SLCO2B1: variants seen among roughly 807,000 people sequenced by gnomAD.
The protein encoded by SLCO2B1 is OATP-RP2.
SLCO2B1 carries 41 observed loss-of-function variants against 67.3 expected under a neutral mutation model. That is an observed-to-expected ratio of 0.61 (90% CI 0.47 to 0.79). The LOEUF is 0.79. Ranked by LOEUF, SLCO2B1 falls within the 30% of genes least tolerant of loss-of-function variation. The probability of loss-of-function intolerance (pLI) is 0.00; values close to 1 mark genes in which losing one functional copy is unlikely to be tolerated. For synonymous variants in SLCO2B1, 379 were observed against 381.4 expected, an observed-to-expected ratio of 0.99 and a Z score of 0.07; for missense variants, 837 against 920.1, an observed-to-expected ratio of 0.91 and a Z score of 1.17.
At chr11:75,188,070 C>T (rs1944964092) in intron 7 of SLCO2B1, 66 bp from the exon 8 acceptor site, 2 of 1,146,324 alleles carry the variant, frequency 1.7e-6, no homozygotes, top group Non-Finnish European at 2.6e-6. Context: ...CTCCCCAGCC[C>T]ACAGCCAACT....
chr11:75,155,277 C>G (rs371260155), intron 1 of SLCO2B1, among the ~76,000 whole-genome samples: 12 of 152,206 alleles, frequency 7.9e-5, no homozygotes, highest in African/African-American at 2.6e-4. Context: ...TGGAGACATG[C>G]CCCCTTCCTG....
At chr11:75,164,843 C>T (rs998662118) in intron 3 of SLCO2B1, among the ~76,000 whole-genome samples, 1 of 152,204 alleles carries the variant, frequency 6.6e-6, no homozygotes, top group African/African-American at 2.4e-5. Context: ...CCTTACTTTG[C>T]TCTGGGAGTT....
intron 3 of SLCO2B1, 108 bp from the exon 4 acceptor site, chr11:75,165,679 T>A (rs1949880248): frequency 2.4e-6 from 3 of 1,237,522 alleles, no homozygotes; most frequent in Non-Finnish European, 3.5e-6. Context: ...TTTTATTCAG[T>A]CCATTATTCA....
rs183221637 is a variant in SLCO2B1, at chr11:75,179,581, G to A, written c.972+7012G>A. Among the ~76,000 whole-genome samples the A allele has an allele frequency of 9.2e-5, 14 of 152,146 alleles. No homozygotes were observed. The East Asian group carries it at 2.7e-3, about 29-fold the overall frequency. On this transcript the variant is annotated intron_variant, in intron 7 of 13. Coordinates refer to ENST00000289575, the MANE Select transcript of SLCO2B1 (RefSeq NM_007256.5). ...TACAATGTGTAATAATTATATCAGG[G>A]TAAATGGGGTATCCAACACCTCAAG... is the stretch of plus-strand genomic sequence containing the variant.
intron 9 of SLCO2B1, among the ~76,000 whole-genome samples, chr11:75,194,636 C>G (rs538778867): frequency 6.6e-6 from 1 of 152,226 alleles, no homozygotes; most frequent in African/African-American, 2.4e-5. Context: ...CTCCTGTGTG[C>G]GGAGCCTTGT....
At chr11:75,154,190 T>C (rs547161946) in intron 1 of SLCO2B1, among the ~76,000 whole-genome samples, 82 of 150,584 alleles carry the variant, frequency 5.4e-4, no homozygotes, top group Non-Finnish European at 9.6e-4. Context: ...TCCCAAAGTG[T>C]TGGGATTACA....
At chr11:75,173,914 C>A (rs557411784) in intron 7 of SLCO2B1, among the ~76,000 whole-genome samples, 1 of 152,082 alleles carries the variant, frequency 6.6e-6, no homozygotes, top group Non-Finnish European at 1.5e-5. Flanking sequence ...GCGATTCTTC[C>A]GCCTCAGCCT....
chr11:75,153,716 C>T (rs1002470969), intron 1 of SLCO2B1, among the ~76,000 whole-genome samples: 5 of 152,164 alleles, frequency 3.3e-5, no homozygotes, highest in African/African-American at 1.2e-4. Flanking sequence ...GAGCGGGGGT[C>T]ACTGGGCAAC....
intron 8 of SLCO2B1, among the ~76,000 whole-genome samples, chr11:75,189,110 G>A (rs909050660): frequency 9.9e-5 from 15 of 152,168 alleles, no homozygotes; most frequent in African/African-American, 3.4e-4. Context: ...ATGATCTAAC[G>A]TCTTGAGGCT....
intron 10 of SLCO2B1, 86 bp from the exon 11 acceptor site, chr11:75,200,138 C>A: frequency 7.0e-7 from 1 of 1,429,398 alleles, no homozygotes; most frequent in Non-Finnish European, 9.5e-7. Flanking sequence ...ACTTGGGCCT[C>A]TCACAAGCCT....
intron 1 of SLCO2B1, among the ~76,000 whole-genome samples, chr11:75,154,599 T>G (rs1302361620): frequency 6.6e-6 from 1 of 152,186 alleles, no homozygotes; most frequent in Non-Finnish European, 1.5e-5. Flanking sequence ...GAACTGGGGC[T>G]CAAACTTGAG....
intron 11 of SLCO2B1, 47 bp from the exon 12 acceptor site, chr11:75,202,854 G>A (rs760145135): frequency 1.3e-6 from 2 of 1,556,130 alleles, no homozygotes; most frequent in African/African-American, 1.4e-5. Flanking sequence ...GGCCCTTGGG[G>A]GCTGGAACCC....
At position 75,193,941 on chromosome 11, in the gene SLCO2B1, C is replaced by G. The variant is rs1331276348; in HGVS notation, c.1433+366C>G. 6.6e-6 allele frequency among the ~76,000 whole-genome samples: 1 copy of G among 152,154 alleles called. No individual in the cohort carries two copies. The highest frequency in any genetic ancestry group is 6.5e-5 in the Admixed American group (1 of 15,286). ...CTACATCACAGGAGCCAGGACCCAG[C>G]TCAGCCAGAGGAATGGCCTGCCCAG... On this transcript the variant is annotated intron_variant, in intron 9 of 13. Transcript: ENST00000289575. The surrounding 1 kb of genome is among the most constrained non-coding windows in gnomAD (Gnocchi z 4.2).
chr11:75,206,340 G>C lies in SLCO2B1; in HGVS notation c.*1760G>C. ...CATCATTTCCATTAACTTAGATTTA[G>C]GTTTTACTGGATTCATTGCTCACCA... On this transcript the variant is annotated 3_prime_UTR_variant, in exon 14 of 14. Coordinates refer to ENST00000289575, the MANE Select transcript of SLCO2B1 (RefSeq NM_007256.5). 1 of 152,182 alleles carries C rather than the reference G, an allele frequency of 6.6e-6. No individual in the cohort carries two copies. Among genetic ancestry groups the C allele is most frequent in the East Asian group, 1.9e-4 (1 of 5,198 alleles). The allele number at this position is 152,182 out of a possible 1,614,324, so 9.4% of individuals were successfully genotyped here.
chr11:75,155,227 T>C (rs1949733780), intron 1 of SLCO2B1, among the ~76,000 whole-genome samples: 1 of 152,116 alleles, frequency 6.6e-6, no homozygotes, highest in South Asian at 2.1e-4. Flanking sequence ...AAGGTCCTGC[T>C]GGGAGGAATT....
chr11:75,161,748 G>A (rs79051775), intron 1 of SLCO2B1, among the ~76,000 whole-genome samples: 6,948 of 152,276 alleles, frequency 0.046, 224 homozygotes, highest in African/African-American at 0.089. Flanking sequence ...CTGCCAGGAG[G>A]AGCAGGTGGT....
intron 8 of SLCO2B1, among the ~76,000 whole-genome samples, chr11:75,188,590 A>G (rs530666138): frequency 6.6e-6 from 1 of 152,122 alleles, no homozygotes; most frequent in Non-Finnish European, 1.5e-5. Flanking sequence ...GCTGGGCATG[A>G]TGGTGGGCAC....
chr11:75,203,252 G>A lies in SLCO2B1; in HGVS notation c.1829-55G>A, dbSNP rs1315958512. ...CCTGAGGGGTTGTACATGCCAGGGA[G>A]GGGGCAGGGTAGGACGGTGGGCCTT... On this transcript the variant is annotated intron_variant, in intron 12 of 13. Coordinates refer to ENST00000289575, the MANE Select transcript of SLCO2B1 (RefSeq NM_007256.5). 19 of 1,593,106 alleles carry A rather than the reference G, an allele frequency of 1.2e-5. No homozygotes were observed. The Admixed American group carries it at 3.1e-4, about 26-fold the overall frequency.
Position 75,176,262 on chromosome 11 carries a change from C to A in SLCO2B1, c.972+3693C>A, listed in dbSNP as rs190607016. On this transcript the variant is annotated intron_variant, in intron 7 of 13. Coordinates refer to ENST00000289575, the MANE Select transcript of SLCO2B1 (RefSeq NM_007256.5). The stretch of plus-strand genomic sequence containing the variant: ...GCAACTCTCCTGGGCCCGCCATGCC[C>A]TCTGGTCCTTCTGACAACCTGCCCT... Among the ~76,000 whole-genome samples the A allele has an allele frequency of 2.7e-3, 413 of 152,308 alleles. 3 individuals are homozygous for A. The highest frequency in any genetic ancestry group is 9.3e-3 in the African/African-American group (385 of 41,552).
Sources: gnomAD v4.1 joint callset for allele counts (sites outside exome capture counted in the v4.1 genomes callset) on GRCh38, gnomAD v4.1.1 for gene constraint, Gnocchi (gnomAD v3.1) non-coding constraint, MANE v1.5 for transcripts, NCBI Gene and HGNC (gene_info 2026-07-23, HGNC 2026-07-21) for gene names.